Variants in GTF2F2 observed in about 807,000 individuals in gnomAD.
The protein encoded by GTF2F2 is ATP-dependent helicase GTF2F2.
GTF2F2 carries 23 observed loss-of-function variants against 42.2 expected under a neutral mutation model. That is an observed-to-expected ratio of 0.55 (90% confidence interval 0.39 to 0.77). GTF2F2 has a LOEUF of 0.77. GTF2F2 is among the 30% of genes least tolerant of loss of function. The pLI, the probability that GTF2F2 is intolerant of heterozygous loss-of-function variation, is 0.00. For missense variants in GTF2F2, 261 were observed against 287.2 expected (o/e 0.91, Z 0.66); for synonymous variants, 105 against 100.8 (o/e 1.04, Z -0.25).
chr13:45,224,069 C>T (rs759416542), intron 5 of GTF2F2, among the ~76,000 whole-genome samples: 1 of 152,166 alleles, frequency 6.6e-6, no homozygotes, highest in Non-Finnish European at 1.5e-5. Flanking sequence ...ATCTAACTTT[C>T]TCTGTAACTT....
chr13:45,200,751 C>A (rs1261319538), intron 4 of GTF2F2, among the ~76,000 whole-genome samples: 1 of 152,176 alleles, frequency 6.6e-6, no homozygotes. Context: ...AAAAAAACTT[C>A]TAGGAACATA....
intron 4 of GTF2F2, chr13:45,193,647 C>A: frequency 1.4e-6 from 1 of 708,876 alleles, no homozygotes. Flanking sequence ...ATTTACATAC[C>A]GTTAGCTCAC....
chr13:45,225,515 G>A (rs1357372644), intron 5 of GTF2F2, among the ~76,000 whole-genome samples: 1 of 151,796 alleles, frequency 6.6e-6, no homozygotes, highest in African/African-American at 2.4e-5. Flanking sequence ...GCTACTCAGA[G>A]GCTGAGGCAG....
intron 5 of GTF2F2, among the ~76,000 whole-genome samples, chr13:45,234,945 C>T (rs1222451540): frequency 2.8e-5 from 4 of 144,568 alleles, no homozygotes; most frequent in Non-Finnish European, 6.0e-5. Flanking sequence ...TTCGGGAGGC[C>T]GAGGTGGGAG....
intron 7 of GTF2F2, among the ~76,000 whole-genome samples, chr13:45,274,368 C>G (rs1876933071): frequency 7.2e-6 from 1 of 138,058 alleles, no homozygotes; most frequent in Non-Finnish European, 1.5e-5. Flanking sequence ...GCTCTGTCAC[C>G]CAGGCTGGAG....
intron 1 of GTF2F2, among the ~76,000 whole-genome samples, chr13:45,130,278 A>C (rs1869265136): frequency 6.6e-6 from 1 of 152,220 alleles, no homozygotes; most frequent in Non-Finnish European, 1.5e-5. Context: ...TTGGTGCTTC[A>C]GTTTCTGCAG....
At chr13:45,236,648 G>A (rs1207404839) in intron 5 of GTF2F2, among the ~76,000 whole-genome samples, 1 of 152,024 alleles carries the variant, frequency 6.6e-6, no homozygotes, top group African/African-American at 2.4e-5. Context: ...TAGCCTATTT[G>A]ACTGTTGAGG....
At chr13:45,269,400 G>C (rs1019920151) in intron 7 of GTF2F2, among the ~76,000 whole-genome samples, 11 of 152,162 alleles carry the variant, frequency 7.2e-5, no homozygotes, top group African/African-American at 2.7e-4. Flanking sequence ...GCTGGGGGTA[G>C]GCCAGAGGTA....
chr13:45,125,039 A>T (rs1429681899), intron 1 of GTF2F2, among the ~76,000 whole-genome samples: 1 of 152,232 alleles, frequency 6.6e-6, no homozygotes, highest in Non-Finnish European at 1.5e-5. Context: ...AGAGAAAGTT[A>T]TATACAAGGG....
intron 5 of GTF2F2, among the ~76,000 whole-genome samples, chr13:45,231,886 T>G (rs1874703962): frequency 6.6e-6 from 1 of 152,212 alleles, no homozygotes. Context: ...ATTTGCTATA[T>G]TTACTTAGTC....
chr13:45,267,149 C>CAA (rs200147501), intron 6 of GTF2F2, 84 bp from the exon 7 acceptor site: 3,785 of 938,704 alleles, frequency 4.0e-3, no homozygotes, highest in Non-Finnish European at 4.3e-3. Context: ...AACTCTGTCT[C>CAA]AAAAAAAAAA....
At chr13:45,141,532 G>T (rs915587713) in intron 2 of GTF2F2, among the ~76,000 whole-genome samples, 1 of 152,162 alleles carries the variant, frequency 6.6e-6, no homozygotes, top group Non-Finnish European at 1.5e-5. Context: ...AGTGTTAGCA[G>T]ATGTGTGTGT....
At chr13:45,127,124 G>T (rs929525264) in intron 1 of GTF2F2, among the ~76,000 whole-genome samples, 18 of 152,104 alleles carry the variant, frequency 1.2e-4, no homozygotes, top group African/African-American at 4.1e-4. Context: ...CTGTAAGTTC[G>T]TGGTGTAGAG....
chr13:45,126,293 C>G (rs562366629), intron 1 of GTF2F2, among the ~76,000 whole-genome samples: 8 of 146,496 alleles, frequency 5.5e-5, no homozygotes, highest in Admixed American at 1.4e-4. Flanking sequence ...GTTCTGTTGC[C>G]CAGTCTGGAG....
At chr13:45,240,745 T>G (rs1875250667) in intron 5 of GTF2F2, among the ~76,000 whole-genome samples, 1 of 152,042 alleles carries the variant, frequency 6.6e-6, no homozygotes, top group Non-Finnish European at 1.5e-5. Flanking sequence ...GGAGAATCGC[T>G]TGAACCTGGG....
At chr13:45,216,030 C>T (rs1873873751) in intron 5 of GTF2F2, among the ~76,000 whole-genome samples, 1 of 152,000 alleles carries the variant, frequency 6.6e-6, no homozygotes, top group South Asian at 2.1e-4. Context: ...GTCTTGAGCC[C>T]AGGAGTTTGA....
chr13:45,136,579 T>A (rs139949632), intron 1 of GTF2F2, among the ~76,000 whole-genome samples, 154 bp from the exon 2 acceptor site: 1,820 of 152,342 alleles, frequency 0.012, 31 homozygotes, highest in African/African-American at 0.037. Context: ...TTTTTACGTG[T>A]CTTAGTATTT....
chr13:45,208,218 T>C (rs60847916), intron 5 of GTF2F2, among the ~76,000 whole-genome samples: 33,255 of 151,958 alleles, frequency 0.22, 3,889 homozygotes, highest in African/African-American at 0.27. Flanking sequence ...TATAAACATA[T>C]ATACTGTGTT....
At chr13:45,244,953 G>A (rs574875463) in intron 5 of GTF2F2, among the ~76,000 whole-genome samples, 104 of 152,274 alleles carry the variant, frequency 6.8e-4, no homozygotes, top group African/African-American at 2.3e-3. Flanking sequence ...ATGAGCCACC[G>A]TGCCCAGCTG....
Sources: allele counts gnomAD v4.1 joint callset (sites outside exome capture counted in the v4.1 genomes callset), GRCh38; gene constraint gnomAD v4.1.1; transcripts MANE v1.5; gene names NCBI Gene and HGNC (gene_info 2026-07-23, HGNC 2026-07-21).